The following GPHN variants were observed in gnomAD, a reference collection of about 807,000 sequenced individuals.
GPHN encodes the protein gephyrin.
In GPHN, 17 loss-of-function variants were observed where a neutral mutation model predicts 95.5. That is an observed-to-expected ratio of 0.18 (90% CI 0.12 to 0.27). The LOEUF is 0.27. Among genes scored for constraint, GPHN ranks in the 10% least tolerant of loss-of-function variants. The pLI, the probability that GPHN is intolerant of heterozygous loss-of-function variation, is 1.00. For missense variants in GPHN, 660 were observed against 978.1 expected (o/e 0.67, Z 4.34); for synonymous variants, 320 against 322.5 (o/e 0.99, Z 0.08).
chr14:66,960,075 G>T (rs1244476190), intron 8 of GPHN, among the ~76,000 whole-genome samples: 1 of 151,732 alleles, frequency 6.6e-6, no homozygotes, highest in East Asian at 1.9e-4. Flanking sequence ...ATTTGTATTT[G>T]GTTTCTTTTT....
chr14:67,687,773 T>C, the GPHN span, among the ~76,000 whole-genome samples: 1 of 144,774 alleles, frequency 6.9e-6, no homozygotes, highest in South Asian at 2.2e-4. Context: ...GTCCGGCCCT[T>C]TTTTTTTTTC....
chr14:67,317,339 C>G, the GPHN span: 2 of 1,296,448 alleles, frequency 1.5e-6, no homozygotes, highest in Non-Finnish European at 2.2e-6. Flanking sequence ...AAATAGAGTT[C>G]TTCAATTTGA....
the GPHN span, among the ~76,000 whole-genome samples, chr14:67,439,012 A>C: frequency 1.3e-5 from 2 of 152,204 alleles, no homozygotes; most frequent in Non-Finnish European, 2.9e-5. Flanking sequence ...CAGTTCCTAA[A>C]GCAAGTGGGA....
chr14:67,411,059 A>AC, the GPHN span, among the ~76,000 whole-genome samples: 2 of 148,484 alleles, frequency 1.3e-5, no homozygotes, highest in Non-Finnish European at 3.0e-5. Flanking sequence ...AGGTGAGAGG[A>AC]CCACCTGAGC....
intron 11 of GPHN, among the ~76,000 whole-genome samples, chr14:67,088,293 TAATA>T (rs1237490168): frequency 6.6e-6 from 1 of 152,178 alleles, no homozygotes; most frequent in Non-Finnish European, 1.5e-5. Flanking sequence ...CATTCTGAAG[TAATA>T]AATGCTTTAT....
At chr14:66,884,643 C>T (rs372370364) in intron 5 of GPHN, among the ~76,000 whole-genome samples, 37 of 151,702 alleles carry the variant, frequency 2.4e-4, no homozygotes, top group African/African-American at 8.5e-4. Flanking sequence ...ACAGACTAAC[C>T]ACTGTGGTTA....
At chr14:67,329,842 A>ATAAG in the GPHN span, among the ~76,000 whole-genome samples, 1 of 93,670 alleles carries the variant, frequency 1.1e-5, no homozygotes. Context: ...TCAAAAATAA[A>ATAAG]TAAATAAATA....
At chr14:67,427,075 G>C in the GPHN span, among the ~76,000 whole-genome samples, 55 of 152,032 alleles carry the variant, frequency 3.6e-4, 1 homozygote, top group African/African-American at 1.2e-3. Context: ...TGTGTCGCGC[G>C]GGGGAGGGAG....
At chr14:67,567,058 TG>T in the GPHN span, among the ~76,000 whole-genome samples, 1 of 152,272 alleles carries the variant, frequency 6.6e-6, no homozygotes, top group Admixed American at 6.5e-5. Flanking sequence ...TCATCCTGTT[TG>T]CAATCCCCTT....
At chr14:67,258,355 C>T in the GPHN span, among the ~76,000 whole-genome samples, 5 of 152,082 alleles carry the variant, frequency 3.3e-5, no homozygotes, top group Non-Finnish European at 5.9e-5. Context: ...GGCAATGTGG[C>T]GAAACCCCGT....
chr14:66,618,645 A>G (rs1349587307), intron 1 of GPHN, among the ~76,000 whole-genome samples: 1 of 152,192 alleles, frequency 6.6e-6, no homozygotes, highest in Admixed American at 6.5e-5. Flanking sequence ...TTTCAGGATT[A>G]GCTCACTTCA....
the GPHN span, chr14:67,586,777 C>CAT: frequency 7.4e-7 from 1 of 1,355,726 alleles, no homozygotes; most frequent in African/African-American, 1.5e-5. Flanking sequence ...TCTCCAGATC[C>CAT]CTTTCTTAAG....
At chr14:66,783,640 T>G (rs1277347697) in intron 3 of GPHN, among the ~76,000 whole-genome samples, 1 of 152,222 alleles carries the variant, frequency 6.6e-6, no homozygotes, top group Admixed American at 6.5e-5. Context: ...TTCGTACTTC[T>G]GCTCACAATA....
At chr14:67,515,212 C>T in the GPHN span, 1 of 152,002 alleles carries the variant, frequency 6.6e-6, no homozygotes, top group Non-Finnish European at 1.5e-5. Context: ...ACTCGGGGCG[C>T]TCTCCTGCAC....
chr14:67,209,541 C>T, the GPHN span, among the ~76,000 whole-genome samples: 16 of 151,906 alleles, frequency 1.1e-4, no homozygotes, highest in Non-Finnish European at 8.8e-5. Context: ...CATAATAGGC[C>T]GGGTGTGGTG....
At chr14:67,454,547 C>A in the GPHN span, 3 of 152,374 alleles carry the variant, frequency 2.0e-5, no homozygotes, top group East Asian at 5.8e-4. Context: ...GGCACTCATT[C>A]ATTCATTTAT....
intron 2 of GPHN, among the ~76,000 whole-genome samples, chr14:66,735,693 C>G (rs187129369): frequency 6.6e-5 from 10 of 152,070 alleles, no homozygotes; most frequent in Admixed American, 4.6e-4. Flanking sequence ...TCTGATATAG[C>G]CAAATTTTAT....
intron 1 of GPHN, among the ~76,000 whole-genome samples, chr14:66,570,618 T>C (rs184266800): frequency 5.6e-4 from 85 of 152,268 alleles, no homozygotes; most frequent in African/African-American, 2.0e-3. Context: ...TTTCATATAC[T>C]TTTGATATAT....
At chr14:67,521,765 A>T in the GPHN span, among the ~76,000 whole-genome samples, 1 of 152,238 alleles carries the variant, frequency 6.6e-6, no homozygotes, top group Non-Finnish European at 1.5e-5. Flanking sequence ...GAAAAGACCA[A>T]AGTTAAAAGA....
Sources: allele counts gnomAD v4.1 joint callset (sites outside exome capture counted in the v4.1 genomes callset), GRCh38; gene constraint gnomAD v4.1.1; transcripts MANE v1.5; gene names NCBI Gene and HGNC (gene_info 2026-07-23, HGNC 2026-07-21).